The following AGR3 variants were observed in gnomAD, a reference collection of about 807,000 sequenced individuals.
AGR3 encodes anterior gradient 3, protein disulphide isomerase family member.
In AGR3, 37 loss-of-function variants were observed where a neutral mutation model predicts 24.5. The ratio of observed to expected loss-of-function variants is 1.51; its 90% confidence interval spans 1.16 to 1.99. AGR3 has a LOEUF of 1.99. Ranked by LOEUF, AGR3 falls within the 30% of genes most tolerant of loss-of-function variation. The probability of loss-of-function intolerance (pLI) is 0.00; values close to 1 mark genes in which losing one functional copy is unlikely to be tolerated. For synonymous variants in AGR3, 75 were observed against 61.6 expected, an observed-to-expected ratio of 1.22 and a Z score of -1.02; for missense variants, 228 against 191.1, an observed-to-expected ratio of 1.19 and a Z score of -1.14.
intron 3 of AGR3, among the ~76,000 whole-genome samples, chr7:16,869,339 A>G (rs1471226199): frequency 6.6e-6 from 1 of 152,130 alleles, no homozygotes; most frequent in Non-Finnish European, 1.5e-5. Flanking sequence ...AGTCTGTTTT[A>G]TCTAAGTATA....
downstream of AGR3, among the ~76,000 whole-genome samples, chr7:16,855,653 G>GTT (rs1781548252): frequency 1.3e-5 from 2 of 152,030 alleles, no homozygotes; most frequent in Admixed American, 1.3e-4. Context: ...CAGATGTTGC[G>GTT]CAAAAAACAA....
At chr7:16,879,463 C>G (rs1014998955) in intron 1 of AGR3, among the ~76,000 whole-genome samples, 1 of 152,150 alleles carries the variant, frequency 6.6e-6, no homozygotes, top group Non-Finnish European at 1.5e-5. Context: ...TACAGGAAGT[C>G]TTTAATACTT....
At chr7:16,856,976 G>T (rs1285650452), downstream of AGR3, among the ~76,000 whole-genome samples, 1 of 144,184 alleles carries the variant, frequency 6.9e-6, no homozygotes, top group African/African-American at 2.6e-5. Flanking sequence ...ATATAGAAAG[G>T]TTTTTTTTTT....
chr7:16,870,262 C>T (rs965474733), intron 3 of AGR3, among the ~76,000 whole-genome samples: 1 of 151,828 alleles, frequency 6.6e-6, no homozygotes, highest in African/African-American at 2.4e-5. Flanking sequence ...TCAATTTATT[C>T]TCATCTAATT....
chr7:16,866,784 T>G (rs997877683), intron 3 of AGR3, among the ~76,000 whole-genome samples: 6 of 152,176 alleles, frequency 3.9e-5, no homozygotes, highest in African/African-American at 1.4e-4. Context: ...CTTGTTGACC[T>G]TTTTCTTGTT....
chr7:16,880,079 T>G (rs1782076644), intron 1 of AGR3, among the ~76,000 whole-genome samples: 1 of 140,222 alleles, frequency 7.1e-6, no homozygotes, highest in African/African-American at 2.7e-5. Flanking sequence ...TTCCCCTTCC[T>G]TCTTTCCCCT....
chr7:16,856,752 T>C (rs946861043), downstream of AGR3, among the ~76,000 whole-genome samples: 3 of 151,910 alleles, frequency 2.0e-5, no homozygotes, highest in Admixed American at 1.3e-4. Flanking sequence ...GAAGGAATAA[T>C]TTCTTAGAGG....
intron 2 of AGR3, among the ~76,000 whole-genome samples, 188 bp from the exon 3 acceptor site, chr7:16,874,031 T>C (rs1354028891): frequency 6.6e-6 from 1 of 152,230 alleles, no homozygotes; most frequent in Non-Finnish European, 1.5e-5. Flanking sequence ...ATTGCAGTAC[T>C]GAGGTTTTGC....
chr7:16,855,529 A>G (rs1247244619), downstream of AGR3, among the ~76,000 whole-genome samples: 1 of 152,150 alleles, frequency 6.6e-6, no homozygotes, highest in South Asian at 2.1e-4. Context: ...TCGCCCTCCT[A>G]ACACTCACAC....
In AGR3 at chr7:16,880,086, C is replaced by CCCTT. The variant is rs112786828; in HGVS notation, c.-27-1445_-27-1442dup. On this transcript the variant is annotated intron_variant, in intron 1 of 7. Transcript: ENST00000310398. Reference sequence around the variant, plus strand: ...TTCCTTCCTTCCCCTTCCTTCTTTCCCCTTCCTTCCTTCCTTCCTTCTTTC... The same window carrying CCCTT: ...TTCCTTCCTTCCCCTTCCTTCTTTCCCCTTCCTTCCTTCCTTCCTTCCTTCTTTC... 2.3e-3 allele frequency among the ~76,000 whole-genome samples: 311 copies of CCCTT among 138,126 alleles called. 1 individual carries two copies. The highest frequency in any genetic ancestry group is 9.1e-3 in the South Asian group (37 of 4,078). The allele number at this position is 138,126 out of a possible 152,430, so 90.6% of individuals were successfully genotyped here. A position where few individuals can be genotyped will look rare whatever the true frequency, so the allele number is the denominator to read the frequency against.
intron 3 of AGR3, among the ~76,000 whole-genome samples, chr7:16,871,192 T>G (rs1435794088): frequency 6.6e-6 from 1 of 152,218 alleles, no homozygotes; most frequent in African/African-American, 2.4e-5. Context: ...AAACCAGTTT[T>G]CTGTCTAAGC....
intron 3 of AGR3, chr7:16,864,131 G>C (rs1006931069): frequency 1.4e-5 from 7 of 499,334 alleles, no homozygotes; most frequent in South Asian, 2.8e-5. Flanking sequence ...TTTTCGTGAT[G>C]AAAGACTACA....
chr7:16,877,302 G>T (rs28580385), intron 2 of AGR3, among the ~76,000 whole-genome samples: 1 of 60,750 alleles, frequency 1.6e-5, no homozygotes, highest in Admixed American at 1.8e-4. Flanking sequence ...ATAATATATA[G>T]TATATATAAT....
intron 1 of AGR3, among the ~76,000 whole-genome samples, chr7:16,881,217 A>G (rs1384513985): frequency 1.3e-5 from 2 of 152,212 alleles, no homozygotes; most frequent in South Asian, 2.1e-4. Context: ...TTAAGCGGGA[A>G]CCATTTTTTC....
intron 2 of AGR3, among the ~76,000 whole-genome samples, chr7:16,878,061 T>G (rs933064926): frequency 6.6e-6 from 1 of 151,920 alleles, no homozygotes; most frequent in African/African-American, 2.4e-5. Context: ...CCCCGAATTC[T>G]CAGAGTTTGG....
intron 4 of AGR3, among the ~76,000 whole-genome samples, chr7:16,862,349 C>G (rs948354073): frequency 2.0e-5 from 3 of 152,088 alleles, no homozygotes; most frequent in Non-Finnish European, 2.9e-5. Context: ...TGTTTCTACA[C>G]CTTCTCAGCT....
At chr7:16,869,659 G>C (rs1008094216) in intron 3 of AGR3, among the ~76,000 whole-genome samples, 2 of 150,042 alleles carry the variant, frequency 1.3e-5, no homozygotes, top group African/African-American at 4.9e-5. Flanking sequence ...CCTATAGTTG[G>C]GGCTTGTGAG....
At chr7:16,871,700 G>C (rs911367380) in intron 3 of AGR3, among the ~76,000 whole-genome samples, 10 of 152,062 alleles carry the variant, frequency 6.6e-5, no homozygotes, top group African/African-American at 2.4e-4. Context: ...AAATTAGCTG[G>C]GCATGGTGGC....
chr7:16,871,336 TC>T (rs2115309565), intron 3 of AGR3, among the ~76,000 whole-genome samples: 1 of 152,312 alleles, frequency 6.6e-6, no homozygotes, highest in South Asian at 2.1e-4. Flanking sequence ...CAACTATTAG[TC>T]CCTTTGGCAT....
Sources: allele counts gnomAD v4.1 joint callset (sites outside exome capture counted in the v4.1 genomes callset), GRCh38; gene constraint gnomAD v4.1.1; transcripts MANE v1.5; gene names NCBI Gene and HGNC (gene_info 2026-07-23, HGNC 2026-07-21).